The following ARHGAP10 variants were observed in gnomAD, a reference collection of about 807,000 sequenced individuals.
ARHGAP10 encodes the protein rho GTPase-activating protein 10.
A neutral mutation model predicts 108.6 loss-of-function variants in ARHGAP10; 87 were observed. The ratio of observed to expected loss-of-function variants is 0.80; its 90% CI spans 0.67 to 0.96. The LOEUF is 0.96. ARHGAP10 is among the 40% of genes least tolerant of loss of function. The pLI is 0.00. For synonymous variants in ARHGAP10, 347 were observed against 341.1 expected (o/e 1.02, Z -0.19); for missense variants, 939 against 954.5 (o/e 0.98, Z 0.21).
intron 8 of ARHGAP10, 68 bp downstream of exon 8, chr4:147,875,218 CT>C: frequency 2.1e-6 from 3 of 1,446,362 alleles, no homozygotes; most frequent in Non-Finnish European, 2.7e-6. Context: ...CTCTGCTATT[CT>C]TGCCATTACT....
rs149731265 is a variant in ARHGAP10 at position 147,734,814 on chromosome 4, A to G, written c.154+2359A>G. ...CTAACCAGTTGAGCTTTTGTATAAC[A>G]TCAGAGAGTCAAGGGATGACATTGG... On this transcript the variant is annotated intron_variant, in intron 1 of 22. Coordinates refer to ENST00000336498, the MANE Select transcript of ARHGAP10 (RefSeq NM_024605.4). 1.3e-4 allele frequency among the ~76,000 whole-genome samples: 20 copies of G among 152,360 alleles called. No individual in the cohort carries two copies. In the East Asian group the frequency reaches 3.5e-3, roughly 26 times the overall value.
chr4:147,913,226 T>C, intron 13 of ARHGAP10, 87 bp downstream of exon 13: 1 of 1,215,886 alleles, frequency 8.2e-7, no homozygotes, highest in Non-Finnish European at 1.2e-6. Flanking sequence ...CTTTTAAGTG[T>C]TACAGAATGA....
At chr4:147,793,286 G>A (rs867219313) in intron 1 of ARHGAP10, among the ~76,000 whole-genome samples, 33 of 150,390 alleles carry the variant, frequency 2.2e-4, no homozygotes, top group African/African-American at 6.6e-4. Context: ...AGCAATATTG[G>A]GGTAAAATAT....
intron 16 of ARHGAP10, among the ~76,000 whole-genome samples, chr4:147,959,759 G>A (rs1376755039): frequency 1.3e-5 from 2 of 152,090 alleles, no homozygotes; most frequent in East Asian, 1.9e-4. Flanking sequence ...TCTTAATCCA[G>A]GTTTTGACTC....
intron 18 of ARHGAP10, among the ~76,000 whole-genome samples, chr4:147,985,331 G>A (rs568310193): frequency 1.4e-4 from 21 of 152,306 alleles, no homozygotes; most frequent in Admixed American, 5.9e-4. Context: ...TGCTCTGAAT[G>A]CATGGAAATC....
chr4:147,944,156 A>C (rs548692933), intron 14 of ARHGAP10, among the ~76,000 whole-genome samples: 2 of 152,226 alleles, frequency 1.3e-5, no homozygotes, highest in East Asian at 3.8e-4. Context: ...CAGTTACTGA[A>C]GTAATTGGTT....
chr4:147,931,395 A>G (rs1192023314), intron 13 of ARHGAP10, among the ~76,000 whole-genome samples: 1 of 152,098 alleles, frequency 6.6e-6, no homozygotes, highest in African/African-American at 2.4e-5. Context: ...ATTGATATCA[A>G]TATCATCACT....
intron 1 of ARHGAP10, among the ~76,000 whole-genome samples, chr4:147,776,290 G>T (rs1002778414): frequency 6.6e-6 from 1 of 152,092 alleles, no homozygotes; most frequent in Non-Finnish European, 1.5e-5. Flanking sequence ...TGTGATCTCG[G>T]CTCACTGCAA....
chr4:147,774,198 T>G (rs578238827), intron 1 of ARHGAP10, among the ~76,000 whole-genome samples: 1 of 152,364 alleles, frequency 6.6e-6, no homozygotes, highest in Non-Finnish European at 1.5e-5. Context: ...TCTTGGTACA[T>G]GTTAAATTCC....
intron 1 of ARHGAP10, among the ~76,000 whole-genome samples, chr4:147,749,975 T>C (rs1329417851): frequency 6.6e-6 from 1 of 152,228 alleles, no homozygotes; most frequent in Non-Finnish European, 1.5e-5. Flanking sequence ...TGCAATAAGA[T>C]GGTTGAGTGC....
intron 1 of ARHGAP10, among the ~76,000 whole-genome samples, chr4:147,738,300 C>A (rs899684705): frequency 6.6e-6 from 1 of 152,032 alleles, no homozygotes; most frequent in African/African-American, 2.4e-5. Flanking sequence ...GGCTATAATC[C>A]CAGCACTTTG....
intron 1 of ARHGAP10, among the ~76,000 whole-genome samples, chr4:147,796,888 A>G (rs914261131): frequency 6.6e-6 from 1 of 152,184 alleles, no homozygotes; most frequent in African/African-American, 2.4e-5. Flanking sequence ...TTCTAATGTA[A>G]AAACCTCGTT....
At chr4:147,993,299 G>A (rs1306617703) in intron 18 of ARHGAP10, among the ~76,000 whole-genome samples, 2 of 152,162 alleles carry the variant, frequency 1.3e-5, no homozygotes, top group Non-Finnish European at 2.9e-5. Flanking sequence ...TTAAGGGTGG[G>A]AATATAGATG....
At chr4:147,802,008 G>A (rs1731603332) in intron 1 of ARHGAP10, among the ~76,000 whole-genome samples, 1 of 152,222 alleles carries the variant, frequency 6.6e-6, no homozygotes, top group Admixed American at 6.5e-5. Flanking sequence ...GAACTAGGCA[G>A]AGTAAATAGG....
chr4:147,945,099 A>T (rs966880139), intron 14 of ARHGAP10, among the ~76,000 whole-genome samples: 1 of 152,086 alleles, frequency 6.6e-6, no homozygotes, highest in Non-Finnish European at 1.5e-5. Context: ...GAAGCGTGTA[A>T]GCCCAGCTTT....
chr4:147,832,688 GGA>G (rs890813067), intron 3 of ARHGAP10, among the ~76,000 whole-genome samples: 3 of 143,966 alleles, frequency 2.1e-5, no homozygotes, highest in Admixed American at 7.1e-5. Flanking sequence ...CATTGAGGGT[GGA>G]GTTTCTACAT....
intron 18 of ARHGAP10, among the ~76,000 whole-genome samples, chr4:147,992,319 A>C (rs1740307727): frequency 6.6e-6 from 1 of 152,012 alleles, no homozygotes; most frequent in Non-Finnish European, 1.5e-5. Context: ...TTCCCCCTTC[A>C]CACTGAGTCA....
intron 1 of ARHGAP10, among the ~76,000 whole-genome samples, chr4:147,733,461 G>A (rs1158595660): frequency 1.3e-5 from 2 of 152,132 alleles, no homozygotes; most frequent in African/African-American, 4.8e-5. Flanking sequence ...ACAGGGACTT[G>A]GGCAGTATCC....
intron 7 of ARHGAP10, among the ~76,000 whole-genome samples, chr4:147,872,067 A>G (rs1436517357): frequency 7.0e-6 from 1 of 142,858 alleles, no homozygotes; most frequent in Admixed American, 7.4e-5. Flanking sequence ...GTGTCACTTT[A>G]CTCCAGCCTG....
Sources: gnomAD v4.1 joint callset for allele counts (sites outside exome capture counted in the v4.1 genomes callset) on GRCh38, gnomAD v4.1.1 for gene constraint, MANE v1.5 for transcripts, NCBI Gene and HGNC (gene_info 2026-07-23, HGNC 2026-07-21) for gene names.